Variants in SPHKAP observed in about 807,000 individuals in gnomAD.
SPHKAP encodes the protein SPHK1 interactor, AKAP domain containing.
A neutral mutation model predicts 137.5 loss-of-function variants in SPHKAP; 67 were observed. The ratio of observed to expected loss-of-function variants is 0.49; its 90% CI spans 0.40 to 0.60. The LOEUF (loss-of-function observed/expected upper bound fraction) is 0.60, where lower values mean the gene tolerates loss of function less well. Among genes scored for constraint, SPHKAP ranks in the 20% least tolerant of loss-of-function variants. SPHKAP has a pLI of 0.00. For missense variants in SPHKAP, 2,097 were observed against 2,069.3 expected, an observed-to-expected ratio of 1.01 and a Z score of -0.26; for synonymous variants, 813 against 785.3, an observed-to-expected ratio of 1.04 and a Z score of -0.59.
At chr2:228,126,463 C>G (rs1699078761) in intron 2 of SPHKAP, among the ~76,000 whole-genome samples, 1 of 152,232 alleles carries the variant, frequency 6.6e-6, no homozygotes, top group South Asian at 2.1e-4. Flanking sequence ...GCAAACATAA[C>G]TTAATTGTCA....
chr2:228,135,983 C>G (rs758700554), intron 1 of SPHKAP, among the ~76,000 whole-genome samples: 3 of 152,062 alleles, frequency 2.0e-5, no homozygotes, highest in Admixed American at 6.6e-5. Context: ...ACAACATGGC[C>G]CAGTCTGTTC....
rs368787374 is a variant in SPHKAP at position 228,018,375 on chromosome 2, T to C, written c.2479A>G (p.Thr827Ala). 3.2e-5 allele frequency: 52 copies of C among 1,614,204 alleles called. No homozygotes were observed. Among genetic ancestry groups the C allele is most frequent in the Middle Eastern group, 3.3e-4 (2 of 6,062 alleles). ...AGATATATTTCCTTGGAGGATGTTG[T>C]AGCAGTTGAAGAATCGGGCACTCTG... ...SHRVPDSSTATTSSKEIYLKG... is the reference protein window; with the variant it reads ...SHRVPDSSTAATSSKEIYLKG... The change falls in exon 7 of 12, where the codon ACA (threonine) becomes GCA (alanine). Residue 827 changes from threonine to alanine, a missense_variant. Coordinates refer to ENST00000392056, the MANE Select transcript of SPHKAP (RefSeq NM_001142644.2).
At chr2:228,143,179 T>C (rs1448218362) in intron 1 of SPHKAP, among the ~76,000 whole-genome samples, 3 of 152,174 alleles carry the variant, frequency 2.0e-5, no homozygotes, top group Admixed American at 1.3e-4. Flanking sequence ...AATGTTCCCA[T>C]GTTAACTGAA....
At chr2:228,112,511 C>A (rs1002044433) in intron 2 of SPHKAP, among the ~76,000 whole-genome samples, 2 of 152,112 alleles carry the variant, frequency 1.3e-5, no homozygotes, top group African/African-American at 4.8e-5. Context: ...TGACAGAGTT[C>A]GAAACGCAAT....
At chr2:228,177,449 T>C (rs1347588533) in intron 1 of SPHKAP, among the ~76,000 whole-genome samples, 1 of 152,212 alleles carries the variant, frequency 6.6e-6, no homozygotes, top group African/African-American at 2.4e-5. Flanking sequence ...TGAAGTTAAG[T>C]GTACTCTTAA....
intron 1 of SPHKAP, among the ~76,000 whole-genome samples, chr2:228,167,372 T>A (rs1044938380): frequency 7.2e-5 from 11 of 152,202 alleles, no homozygotes; most frequent in Non-Finnish European, 1.0e-4. Context: ...GATCTACTGA[T>A]AATTAACACA....
At chr2:228,155,883 C>G (rs1700094524) in intron 1 of SPHKAP, among the ~76,000 whole-genome samples, 1 of 152,134 alleles carries the variant, frequency 6.6e-6, no homozygotes, top group Admixed American at 6.6e-5. Flanking sequence ...GTGATGCAAG[C>G]AAAGAGGACA....
chr2:228,111,770 A>T (rs527671794), intron 2 of SPHKAP, among the ~76,000 whole-genome samples: 7 of 152,242 alleles, frequency 4.6e-5, no homozygotes, highest in African/African-American at 1.4e-4. Flanking sequence ...GAGAGATATG[A>T]ATTTCTGCCC....
At chr2:228,038,189 A>C (rs1695704483) in intron 3 of SPHKAP, among the ~76,000 whole-genome samples, 1 of 152,170 alleles carries the variant, frequency 6.6e-6, no homozygotes, top group African/African-American at 2.4e-5. Flanking sequence ...CATGTCCTTA[A>C]AGTGACAGAA....
At chr2:228,087,751 T>C (rs1697583368) in intron 3 of SPHKAP, among the ~76,000 whole-genome samples, 1 of 152,070 alleles carries the variant, frequency 6.6e-6, no homozygotes, top group Non-Finnish European at 1.5e-5. Context: ...ATATGCAACC[T>C]GTAAAACAGA....
chr2:228,168,936 C>T (rs778874395), intron 1 of SPHKAP, among the ~76,000 whole-genome samples: 1 of 152,150 alleles, frequency 6.6e-6, no homozygotes, highest in Non-Finnish European at 1.5e-5. Context: ...AGCCTAATTG[C>T]TGATATGGAG....
chr2:228,158,018 A>G (rs1481620755), intron 1 of SPHKAP, among the ~76,000 whole-genome samples: 1 of 152,222 alleles, frequency 6.6e-6, no homozygotes, highest in African/African-American at 2.4e-5. Context: ...GTCAAGCTTA[A>G]TGAAGCTCAC....
intron 3 of SPHKAP, among the ~76,000 whole-genome samples, chr2:228,036,042 T>G (rs1398237246): frequency 1.7e-4 from 26 of 150,426 alleles, no homozygotes; most frequent in Non-Finnish European, 1.0e-4. Flanking sequence ...GGGATCTAAT[T>G]AAACTAAAGA....
intron 3 of SPHKAP, among the ~76,000 whole-genome samples, chr2:228,050,133 C>T (rs533142193): frequency 6.6e-6 from 1 of 152,236 alleles, no homozygotes; most frequent in African/African-American, 2.4e-5. Flanking sequence ...ATCAAAACCA[C>T]AATGAGATAC....
Position 228,019,402 on chromosome 2 carries a change from A to G in SPHKAP, c.1452T>C (p.Ser484=), listed in dbSNP as rs1574756683. ...EVSVETSSIL[S]GENSSRQPQS... is the part of the protein sequence containing the mutation. Reference sequence around the variant, plus strand: ...GGGGTTGTCTGCTGGAGTTCTCTCCAGAGAGGATGCTTGAGGTTTCAACAG... The same window carrying G: ...GGGGTTGTCTGCTGGAGTTCTCTCCGGAGAGGATGCTTGAGGTTTCAACAG... Residue 484 remains serine (S), a synonymous_variant, in exon 7 of 12, where the codon TCT becomes TCC. Transcript: ENST00000392056. 6.2e-6 allele frequency: 10 copies of G among 1,614,182 alleles called. No individual in the cohort carries two copies. Among genetic ancestry groups the G allele is most frequent in the South Asian group, 1.1e-5 (1 of 91,088 alleles).
At chr2:227,991,825 A>T (rs190337759) in intron 9 of SPHKAP, 147 of 479,368 alleles carry the variant, frequency 3.1e-4, no homozygotes, top group Non-Finnish European at 3.8e-4. Context: ...TGGTTATTTG[A>T]TCTGAAATAA....
chr2:228,000,436 G>A (rs964754039), intron 7 of SPHKAP, among the ~76,000 whole-genome samples: 1 of 152,088 alleles, frequency 6.6e-6, no homozygotes, highest in African/African-American at 2.4e-5. Flanking sequence ...GGCTAACATG[G>A]TGAAACCCCA....
At chr2:228,164,755 C>T (rs558992108) in intron 1 of SPHKAP, among the ~76,000 whole-genome samples, 14 of 152,278 alleles carry the variant, frequency 9.2e-5, no homozygotes, top group Middle Eastern at 3.4e-3. Flanking sequence ...GCTCTTTAAA[C>T]GCTCAATTGC....
At chr2:228,046,445 G>A (rs35077431) in intron 3 of SPHKAP, among the ~76,000 whole-genome samples, 33,378 of 151,740 alleles carry the variant, frequency 0.22, 3,990 homozygotes, top group Non-Finnish European at 0.27. Flanking sequence ...TAGCTTAAGC[G>A]AGCTCAGGGT....
Sources: gnomAD v4.1 joint callset for allele counts (sites outside exome capture counted in the v4.1 genomes callset) on GRCh38, gnomAD v4.1.1 for gene constraint, MANE v1.5 for transcripts, NCBI Gene and HGNC (gene_info 2026-07-23, HGNC 2026-07-21) for gene names.